Variants in USH2A observed in about 807,000 individuals in gnomAD.
USH2A encodes the protein Usher syndrome 2A (autosomal recessive, mild).
USH2A carries 443 observed loss-of-function variants against 538.9 expected under a neutral mutation model. The observed-to-expected ratio is 0.82, with a 90% CI of 0.76 to 0.89. The LOEUF is 0.89. USH2A is among the 40% of genes least tolerant of loss of function. The probability of loss-of-function intolerance (pLI) is 0.00; values close to 1 mark genes in which losing one functional copy is unlikely to be tolerated. For synonymous variants in USH2A, 2,413 were observed against 2,273.5 expected (o/e 1.06, Z -1.75); for missense variants, 6,633 against 6,324.8 (o/e 1.05, Z -1.65).
chr1:215,674,992 A>G lies in USH2A; in HGVS notation c.12919T>C (p.Tyr4307His), dbSNP rs770441733. Residue 4307 changes from tyrosine to histidine, a missense_variant, in exon 63 of 72, where the codon TAT (tyrosine) becomes CAT (histidine). Transcript: ENST00000307340. ...SYRLQRNEML[Y>H]PFSFDPVTFN... ...GTCACAGGATCAAAGCTAAAAGGATAGAGCATTTCATTCCTTTGAAGCCTA... is the reference window on the plus strand; with the variant it reads ...GTCACAGGATCAAAGCTAAAAGGATGGAGCATTTCATTCCTTTGAAGCCTA... 1 of 1,614,212 alleles carries G rather than the reference A, an allele frequency of 6.2e-7. No individual in the cohort carries two copies. The highest frequency in any genetic ancestry group is 1.1e-5 in the South Asian group (1 of 91,090).
intron 21 of USH2A, among the ~76,000 whole-genome samples, chr1:216,135,158 T>TCA (rs1334221210): frequency 3.3e-5 from 4 of 122,856 alleles, no homozygotes; most frequent in Admixed American, 8.2e-5. Flanking sequence ...TCTCTCTCTC[T>TCA]CTCTCTCTCA....
chr1:215,782,330 C>T (rs1261277794), intron 53 of USH2A, 134 bp from the exon 54 acceptor site: 2 of 949,536 alleles, frequency 2.1e-6, no homozygotes, highest in African/African-American at 1.6e-5. Context: ...TATTATATTG[C>T]TGTCTCAAGC....
At chr1:216,085,719 A>AGTGTGTGTGTGTGT (rs140742468) in intron 24 of USH2A, among the ~76,000 whole-genome samples, 4 of 143,632 alleles carry the variant, frequency 2.8e-5, no homozygotes, top group East Asian at 2.1e-4. Context: ...TGTGTACGTG[A>AGTGTGTGTGTGTGT]GTGTGTGTGT....
chr1:216,167,902 A>G (rs2034202173), intron 21 of USH2A, among the ~76,000 whole-genome samples: 1 of 152,058 alleles, frequency 6.6e-6, no homozygotes, highest in South Asian at 2.1e-4. Context: ...AATCTTCTAA[A>G]ACATTTCTTT....
Position 215,792,833 on chromosome 1 carries a change from A to C in USH2A, c.9959-2551T>G, listed in dbSNP as rs182354505. ...GCACGATTTTAAATATGCCCAAAGA[A>C]AAACAAAATAGGTCATGCATTATTG... On this transcript the variant is annotated intron_variant, in intron 50 of 71. Coordinates refer to ENST00000307340, the MANE Select transcript of USH2A (RefSeq NM_206933.4). 1.4e-3 allele frequency among the ~76,000 whole-genome samples: 212 copies of C among 152,358 alleles called. 3 individuals are homozygous for C. Among genetic ancestry groups the C allele is most frequent in the African/African-American group, 5.0e-3 (208 of 41,592 alleles).
At chr1:215,669,681 G>T (rs1657749650) in intron 64 of USH2A, among the ~76,000 whole-genome samples, 1 of 152,116 alleles carries the variant, frequency 6.6e-6, no homozygotes, top group African/African-American at 2.4e-5. Context: ...ACTTTTAAGA[G>T]ATTTTTAGAC....
intron 60 of USH2A, among the ~76,000 whole-genome samples, chr1:215,729,182 G>C (rs1659919779): frequency 6.6e-6 from 1 of 152,098 alleles, no homozygotes; most frequent in Non-Finnish European, 1.5e-5. Context: ...TAAAATTACT[G>C]TGTGAAAAAG....
In USH2A at chr1:216,369,093, G is replaced by T. The variant is rs2038653297; in HGVS notation, c.652-4008C>A. Among the ~76,000 whole-genome samples, 3 of 152,098 alleles carry T rather than the reference G, an allele frequency of 2.0e-5. No individual in the cohort carries two copies. In the South Asian group the frequency reaches 6.2e-4, roughly 32 times the overall value. ...AAAACCACTGTAATATGAATCAGAA[G>T]AGAAAACTTTATGGAGGAGAAAAGT... On this transcript the variant is annotated intron_variant, in intron 3 of 71. Transcript: ENST00000307340.
intron 44 of USH2A, among the ~76,000 whole-genome samples, chr1:215,857,565 A>G (rs374385055): frequency 0.042 from 6,470 of 152,250 alleles, 186 homozygotes; most frequent in East Asian, 0.15. Flanking sequence ...AGTCATGAGT[A>G]TTTATGAAAG....
At chr1:215,692,461 AT>A (rs995376429) in intron 61 of USH2A, among the ~76,000 whole-genome samples, 5 of 144,624 alleles carry the variant, frequency 3.5e-5, no homozygotes, top group African/African-American at 1.2e-4. Flanking sequence ...ATATATATAT[AT>A]ATATGAATTA....
At chr1:215,815,741 C>T (rs1478324234) in intron 48 of USH2A, among the ~76,000 whole-genome samples, 1 of 151,920 alleles carries the variant, frequency 6.6e-6, no homozygotes, top group African/African-American at 2.4e-5. Context: ...TTAAGAACAT[C>T]CACCTTTTGA....
intron 53 of USH2A, 60 bp from the exon 54 acceptor site, chr1:215,782,256 C>T (rs1400915721): frequency 8.3e-6 from 13 of 1,559,808 alleles, no homozygotes; most frequent in Admixed American, 1.7e-5. Flanking sequence ...TATTTGCAAA[C>T]AACTTACAAA....
At chr1:215,755,263 G>A (rs1660756035) in intron 58 of USH2A, among the ~76,000 whole-genome samples, 1 of 152,138 alleles carries the variant, frequency 6.6e-6, no homozygotes, top group Non-Finnish European at 1.5e-5. Flanking sequence ...GCTCATTCAG[G>A]TTTGGGAACT....
chr1:216,408,347 C>T (rs1480620552), intron 3 of USH2A, among the ~76,000 whole-genome samples: 1 of 152,052 alleles, frequency 6.6e-6, no homozygotes, highest in Admixed American at 6.6e-5. Flanking sequence ...ACATATATTG[C>T]GCATACAGTA....
At chr1:216,294,746 TC>T (rs1189461299) in intron 9 of USH2A, among the ~76,000 whole-genome samples, 1 of 152,116 alleles carries the variant, frequency 6.6e-6, no homozygotes, top group East Asian at 1.9e-4. Flanking sequence ...AATTGTTATA[TC>T]TTCACTATTT....
At chr1:216,394,844 A>G (rs188085556) in intron 3 of USH2A, among the ~76,000 whole-genome samples, 3,435 of 149,840 alleles carry the variant, frequency 0.023, 145 homozygotes, top group African/African-American at 0.078. Flanking sequence ...TCAGCCTCCC[A>G]AGTAGCTGGG....
intron 13 of USH2A, among the ~76,000 whole-genome samples, chr1:216,234,655 C>T (rs1022565077): frequency 1.3e-5 from 2 of 151,900 alleles, no homozygotes; most frequent in Admixed American, 1.3e-4. Flanking sequence ...GGATAAATTA[C>T]CCATTAGCAC....
At position 216,188,014 on chromosome 1, in the gene USH2A, G is replaced by A. The variant is rs1010079544; in HGVS notation, c.4396+2209C>T. ...ACTTTCACGTCACATGACTTTTAGC[G>A]AATATAAGTTTCCAGTTCTATTTTT... On this transcript the variant is annotated intron_variant, in intron 20 of 71. Transcript: ENST00000307340. 4.0e-5 allele frequency among the ~76,000 whole-genome samples: 6 copies of A among 151,704 alleles called. 1 individual carries two copies. Among genetic ancestry groups the A allele is most frequent in the African/African-American group, 1.5e-4 (6 of 41,304 alleles).
At chr1:216,138,918 ATGTGTG>A (rs534404810) in intron 21 of USH2A, among the ~76,000 whole-genome samples, 68 of 148,834 alleles carry the variant, frequency 4.6e-4, no homozygotes, top group Admixed American at 1.1e-3. Flanking sequence ...GCATATATTA[ATGTGTG>A]TGTGTGTGTG....
Sources: gnomAD v4.1 joint callset for allele counts (sites outside exome capture counted in the v4.1 genomes callset) on GRCh38, gnomAD v4.1.1 for gene constraint, MANE v1.5 for transcripts, NCBI Gene and HGNC (gene_info 2026-07-23, HGNC 2026-07-21) for gene names.